SLAIN1: variants seen among roughly 807,000 people sequenced by gnomAD.
SLAIN1 encodes the protein SLAIN family member 1, also known as SLAIN motif-containing protein 1.
Under a neutral mutation model 55.4 loss-of-function variants are expected in SLAIN1, and 17 were observed. That is an observed-to-expected ratio of 0.31 (90% CI 0.21 to 0.46). The LOEUF is 0.46. Among genes scored for constraint, SLAIN1 ranks in the 20% least tolerant of loss-of-function variants. The probability of loss-of-function intolerance (pLI) is 1.00; values close to 1 mark genes in which losing one functional copy is unlikely to be tolerated. For missense variants in SLAIN1, 682 were observed against 785.1 expected (o/e 0.87, Z 1.57); for synonymous variants, 348 against 337.4 (o/e 1.03, Z -0.35).
chr13:77,712,827 A>AACCAAAACAGCATGGTACTGGT (rs2091166463), intron 1 of SLAIN1, among the ~76,000 whole-genome samples: 1 of 152,226 alleles, frequency 6.6e-6, no homozygotes, highest in African/African-American at 2.4e-5. Context: ...AAGCTACTGT[A>AACCAAAACAGCATGGTACTGGT]ACCAAAACAG....
At chr13:77,750,130 G>A (rs1874108138) in intron 4 of SLAIN1, among the ~76,000 whole-genome samples, 1 of 152,152 alleles carries the variant, frequency 6.6e-6, no homozygotes, top group African/African-American at 2.4e-5. Flanking sequence ...TGCATTTAAA[G>A]TGTCAAGATG....
chr13:77,716,213 C>T lies in SLAIN1; in HGVS notation c.627-3319C>T, dbSNP rs186173197. Among the ~76,000 whole-genome samples the T allele has an allele frequency of 2.6e-5, 4 of 151,770 alleles. No homozygotes were observed. The East Asian group carries it at 7.7e-4, about 29-fold the overall frequency. ...TTTAAATTGTGTTTTACTAAAAATC[C>T]TCCATATATGTGTGGTTTTATTTCT... On this transcript the variant is annotated intron_variant, in intron 1 of 6. Transcript: ENST00000418532.
intron 1 of SLAIN1, among the ~76,000 whole-genome samples, chr13:77,702,236 C>G (rs2091038658): frequency 6.6e-6 from 1 of 151,778 alleles, no homozygotes; most frequent in Non-Finnish European, 1.5e-5. Context: ...ATCTTATAGC[C>G]CTATAGTAAA....
intron 2 of SLAIN1, among the ~76,000 whole-genome samples, chr13:77,736,792 C>CG (rs1873142377): frequency 7.0e-6 from 1 of 143,734 alleles, no homozygotes; most frequent in East Asian, 2.0e-4. Flanking sequence ...CTGCATTAGT[C>CG]TTTTTTTTTT....
At chr13:77,732,564 A>T (rs1411071365) in intron 2 of SLAIN1, among the ~76,000 whole-genome samples, 22 of 152,258 alleles carry the variant, frequency 1.4e-4, no homozygotes, top group Non-Finnish European at 1.8e-4. Context: ...TTTAAGATTA[A>T]ATTATTAAGT....
chr13:77,741,960 T>A (rs1873473798), intron 2 of SLAIN1, among the ~76,000 whole-genome samples: 1 of 152,124 alleles, frequency 6.6e-6, no homozygotes, highest in African/African-American at 2.4e-5. Context: ...ATATTATTCC[T>A]TCTGCTTAGT....
At chr13:77,732,729 T>C (rs1555278038) in intron 2 of SLAIN1, among the ~76,000 whole-genome samples, 1 of 152,068 alleles carries the variant, frequency 6.6e-6, no homozygotes, top group African/African-American at 2.4e-5. Context: ...AGATGACTTG[T>C]GAAGTTGTAG....
chr13:77,707,356 G>T (rs2091100532), intron 1 of SLAIN1, among the ~76,000 whole-genome samples: 1 of 151,938 alleles, frequency 6.6e-6, no homozygotes, highest in African/African-American at 2.4e-5. Context: ...GTGTATGTGT[G>T]TGCTTGTGTG....
At chr13:77,723,226 A>G (rs149829212) in intron 2 of SLAIN1, among the ~76,000 whole-genome samples, 158 of 152,240 alleles carry the variant, frequency 1.0e-3, no homozygotes, top group African/African-American at 3.5e-3. Context: ...CTGTTCCTTC[A>G]GGCAGCGCCC....
chr13:77,731,252 G>A (rs1872847082), intron 2 of SLAIN1, among the ~76,000 whole-genome samples: 1 of 152,038 alleles, frequency 6.6e-6, no homozygotes, highest in Non-Finnish European at 1.5e-5. Context: ...ACATTATTGG[G>A]AGTTTATCTA....
chr13:77,706,124 T>C lies in SLAIN1; in HGVS notation c.626+7585T>C, dbSNP rs150631422. Among the ~76,000 whole-genome samples the C allele has an allele frequency of 2.5e-3, 383 of 152,282 alleles. 1 individual carries two copies. The highest frequency in any genetic ancestry group is 8.9e-3 in the African/African-American group (368 of 41,578). ...AGGCATCACTTTATACTCTACTAGC[T>C]GTTTCTTTTTCCTAAACAGTCTTTA... On this transcript the variant is annotated intron_variant, in intron 1 of 6. Coordinates refer to ENST00000418532, the MANE Select transcript of SLAIN1 (RefSeq NM_001242868.2).
intron 1 of SLAIN1, among the ~76,000 whole-genome samples, chr13:77,710,605 A>G (rs2091138871): frequency 6.6e-6 from 1 of 152,114 alleles, no homozygotes; most frequent in Non-Finnish European, 1.5e-5. Context: ...GTTCTTAGAG[A>G]CCTACAAGGA....
chr13:77,726,795 A>C (rs1286784177), intron 2 of SLAIN1, among the ~76,000 whole-genome samples: 2 of 152,186 alleles, frequency 1.3e-5, no homozygotes, highest in African/African-American at 4.8e-5. Flanking sequence ...AGATTTTACA[A>C]TTTATAAAGT....
At chr13:77,730,104 G>A (rs184893572) in intron 2 of SLAIN1, among the ~76,000 whole-genome samples, 2 of 152,150 alleles carry the variant, frequency 1.3e-5, no homozygotes, top group Non-Finnish European at 2.9e-5. Flanking sequence ...GTGAGGAAAC[G>A]GCAGGCTGTT....
At chr13:77,759,652 G>A (rs1019574714) in intron 5 of SLAIN1, among the ~76,000 whole-genome samples, 12 of 152,060 alleles carry the variant, frequency 7.9e-5, no homozygotes, top group African/African-American at 2.9e-4. Context: ...TATCATAAAG[G>A]GATGCTGGAT....
intron 1 of SLAIN1, among the ~76,000 whole-genome samples, chr13:77,714,222 C>G (rs776874339): frequency 3.3e-5 from 5 of 152,014 alleles, no homozygotes; most frequent in African/African-American, 4.8e-5. Context: ...TAAGGAAACT[C>G]CACAGTTGAC....
At position 77,698,075 on chromosome 13, in the gene SLAIN1, C is replaced by T; in HGVS notation, c.162C>T (p.Ala54=). ...TGCGGAGTCGAGCGGCCAGCGCGGCCGCCGCCCCGCACCTGCTGCTGCTGC... is the reference window on the plus strand; with the variant it reads ...TGCGGAGTCGAGCGGCCAGCGCGGCTGCCGCCCCGCACCTGCTGCTGCTGC... ...EQLRSRAASA[A]AAPHLLLLPP... is the part of the protein sequence containing the mutation. The change falls in exon 1 of 7, where the codon GCC becomes GCT. Residue 54 remains alanine (A), a synonymous_variant. Transcript: ENST00000418532. The surrounding 1 kb of genome is among the most constrained non-coding windows in gnomAD (Gnocchi z 4.1). 1 of 1,313,442 alleles carries T rather than the reference C, an allele frequency of 7.6e-7. No homozygotes were observed. Among genetic ancestry groups the T allele is most frequent in the Non-Finnish European group, 9.9e-7 (1 of 1,014,698 alleles). 81.4% of individuals were successfully genotyped at this position (1,313,442 alleles called of 1,614,324 possible).
chr13:77,710,305 C>T (rs1180097427), intron 1 of SLAIN1, among the ~76,000 whole-genome samples: 1 of 152,002 alleles, frequency 6.6e-6, no homozygotes, highest in Non-Finnish European at 1.5e-5. Context: ...AGAGTCAAGA[C>T]CCATTGGTGT....
chr13:77,753,245 G>A lies in SLAIN1; in HGVS notation c.1301G>A (p.Ser434Asn). The A allele has an allele frequency of 1.2e-6, 2 of 1,612,366 alleles. No homozygotes were observed. The highest frequency in any genetic ancestry group is 1.7e-6 in the Non-Finnish European group (2 of 1,179,382). Residue 434 changes from serine (S) to asparagine (N), a missense_variant, in exon 5 of 7, where the codon AGT (serine) becomes AAT (asparagine). Around this residue, in one of 3 missense-constraint regions of SLAIN1, gnomAD observed 244 missense variants for 295.2 expected, o/e 0.83. Coordinates refer to ENST00000418532, the MANE Select transcript of SLAIN1 (RefSeq NM_001242868.2). ...ATGCCTAACCTAGCCCGGATGCCAAGTACAACTGCCATTAGTAGCAACATT... is the reference window on the plus strand; with the variant it reads ...ATGCCTAACCTAGCCCGGATGCCAAATACAACTGCCATTAGTAGCAACATT... ...RSMPNLARMPSTTAISSNISS... is the reference protein window; with the variant it reads ...RSMPNLARMPNTTAISSNISS...
Sources: gnomAD v4.1 joint callset for allele counts (sites outside exome capture counted in the v4.1 genomes callset) on GRCh38, gnomAD v4.1.1 for gene constraint, gnomAD v4.1.1 regional missense constraint, Gnocchi (gnomAD v3.1) non-coding constraint, MANE v1.5 for transcripts, NCBI Gene and HGNC (gene_info 2026-07-23, HGNC 2026-07-21) for gene names.